Variants in SUDS3 observed in about 807,000 individuals in gnomAD.
SUDS3 encodes SIN3A corepressor complex component SDS3.
A neutral mutation model predicts 53.5 loss-of-function variants in SUDS3; 23 were observed. The observed-to-expected ratio is 0.43, with a 90% CI of 0.31 to 0.61. The LOEUF is 0.61. SUDS3 is among the 20% of genes least tolerant of loss of function. The probability of loss-of-function intolerance (pLI) is 0.10; values close to 1 mark genes in which losing one functional copy is unlikely to be tolerated. For missense variants in SUDS3, 291 were observed against 405.9 expected (o/e 0.72, Z 2.43); for synonymous variants, 150 against 148.5 (o/e 1.01, Z -0.08).
chr12:118,382,324 A>G (rs1303829178), intron 2 of SUDS3, among the ~76,000 whole-genome samples: 3 of 151,820 alleles, frequency 2.0e-5, no homozygotes, highest in Non-Finnish European at 4.4e-5. Flanking sequence ...TTGAGATTAC[A>G]GGCCTGAGCC....
intron 6 of SUDS3, among the ~76,000 whole-genome samples, chr12:118,392,442 ATC>A (rs1327943139): frequency 1.3e-5 from 2 of 151,962 alleles, no homozygotes; most frequent in Non-Finnish European, 2.9e-5. Context: ...CTTTTGAAAA[ATC>A]TCTCTTCTGT....
At chr12:118,399,076 A>C (rs959104423) in intron 6 of SUDS3, among the ~76,000 whole-genome samples, 1 of 152,202 alleles carries the variant, frequency 6.6e-6, no homozygotes, top group Non-Finnish European at 1.5e-5. Context: ...GAAGGCGTAA[A>C]GTCTGGTGCC....
At chr12:118,380,394 A>C (rs1249191934) in intron 2 of SUDS3, among the ~76,000 whole-genome samples, 163 bp downstream of exon 2, 2 of 152,218 alleles carry the variant, frequency 1.3e-5, no homozygotes, top group Non-Finnish European at 2.9e-5. Context: ...TTCAGATTTC[A>C]GATTTTTGGA....
intron 10 of SUDS3, among the ~76,000 whole-genome samples, chr12:118,407,935 A>T (rs1436757559): frequency 3.6e-5 from 5 of 138,616 alleles, no homozygotes; most frequent in African/African-American, 8.1e-5. Context: ...AGAGTCTCGC[A>T]CTGTCACCCA....
At position 118,414,358 on chromosome 12, in the gene SUDS3, C is replaced by T; in HGVS notation, c.912C>T (p.Asp304=). ...ANEIWVRKTS[D]STKMRIYLGQ... The stretch of plus-strand genomic sequence containing the variant: ...AGATCTGGGTGAGGAAGACAAGTGA[C>T]AGCACCAAGATGAGGATCTACCTGG... The change falls in exon 12 of 12, where the codon GAC becomes GAT. Residue 304 remains aspartate (D), a synonymous_variant. Coordinates refer to ENST00000543473, the MANE Select transcript of SUDS3 (RefSeq NM_022491.3). The T allele has an allele frequency of 6.2e-7, 1 of 1,606,442 alleles. No individual in the cohort carries two copies. The highest frequency in any genetic ancestry group is 8.5e-7 in the Non-Finnish European group (1 of 1,176,490).
chr12:118,410,332 A>G (rs1273043213), intron 10 of SUDS3, among the ~76,000 whole-genome samples: 1 of 152,148 alleles, frequency 6.6e-6, no homozygotes, highest in Non-Finnish European at 1.5e-5. Flanking sequence ...TGTCTGTCCA[A>G]CCTTCTTCAG....
chr12:118,393,312 C>T (rs2046184508), intron 6 of SUDS3, among the ~76,000 whole-genome samples: 1 of 152,174 alleles, frequency 6.6e-6, no homozygotes, highest in Non-Finnish European at 1.5e-5. Flanking sequence ...TTTGGTTCAA[C>T]ATGAACGTCT....
Position 118,392,865 on chromosome 12 carries a change from G to A in SUDS3, c.517+1583G>A, listed in dbSNP as rs561339667. ...TTTGGCGTCCTAATTATTGACAAGC[G>A]ATAGACATTGTTTGGCCAGGCAGTT... On this transcript the variant is annotated intron_variant, in intron 6 of 11. Transcript: ENST00000543473. Among the ~76,000 whole-genome samples the A allele has an allele frequency of 1.8e-4, 28 of 152,200 alleles. 1 individual carries two copies. Among genetic ancestry groups the A allele is most frequent in the Non-Finnish European group, 2.9e-4 (20 of 68,042 alleles).
In SUDS3 at chr12:118,376,751, C is replaced by T. The variant is rs775771358; in HGVS notation, c.60C>T (p.Pro20=). The change falls in exon 1 of 12, where the codon CCC becomes CCT. Residue 20 remains proline (P), a synonymous_variant. Transcript: ENST00000543473. ...CCCAGGCTGGAGCGCCGCCGGCCCCCGAGTACTACCCCGAGGAGGATGAAG... is the reference window on the plus strand; with the variant it reads ...CCCAGGCTGGAGCGCCGCCGGCCCCTGAGTACTACCCCGAGGAGGATGAAG... The part of the protein sequence containing the change: ...APAQAGAPPA[P]EYYPEEDEEL... The T allele has an allele frequency of 3.9e-6, 6 of 1,543,824 alleles. No individual in the cohort carries two copies. The highest frequency in any genetic ancestry group is 1.2e-5 in the South Asian group (1 of 83,596).
intron 2 of SUDS3, among the ~76,000 whole-genome samples, chr12:118,383,050 C>G (rs1690692412): frequency 6.6e-6 from 1 of 152,162 alleles, no homozygotes; most frequent in African/African-American, 2.4e-5. Context: ...TAAAGTGCAT[C>G]AGAATTTGCC....
intron 1 of SUDS3, 119 bp from the exon 2 acceptor site, chr12:118,380,043 A>G (rs1332851056): frequency 1.5e-5 from 12 of 799,092 alleles, no homozygotes; most frequent in South Asian, 6.5e-5. Context: ...GCTTTGTGCA[A>G]GCCTGCCTTG....
chr12:118,410,136 T>C (rs996678009), intron 10 of SUDS3, among the ~76,000 whole-genome samples: 1 of 152,258 alleles, frequency 6.6e-6, no homozygotes, highest in African/African-American at 2.4e-5. Flanking sequence ...ATCTCTGTGA[T>C]AGTGGAGAAC....
chr12:118,389,029 A>T (rs984775364), intron 4 of SUDS3, among the ~76,000 whole-genome samples: 1 of 152,084 alleles, frequency 6.6e-6, no homozygotes, highest in Non-Finnish European at 1.5e-5. Context: ...TGCGCCTTTA[A>T]TCCTAGCTAC....
At chr12:118,396,810 G>A (rs1182603709) in intron 6 of SUDS3, among the ~76,000 whole-genome samples, 1 of 152,152 alleles carries the variant, frequency 6.6e-6, no homozygotes, top group African/African-American at 2.4e-5. Context: ...TCTCCAGAGG[G>A]ACTGTGCTAT....
chr12:118,409,228 A>G (rs2046336256), intron 10 of SUDS3, among the ~76,000 whole-genome samples: 1 of 151,208 alleles, frequency 6.6e-6, no homozygotes, highest in African/African-American at 2.4e-5. Flanking sequence ...GCTTGCTGCA[A>G]GCTCCGCCTC....
chr12:118,391,295 T>C lies in SUDS3; in HGVS notation c.517+13T>C. On this transcript the variant is annotated intron_variant, in intron 6 of 11. Coordinates refer to ENST00000543473, the MANE Select transcript of SUDS3 (RefSeq NM_022491.3). ...GAACTGACTGGAGGTAGGAAAGCCCTATGGGGTGGGATCTTGGGGGCCCTG... is the reference window on the plus strand; with the variant it reads ...GAACTGACTGGAGGTAGGAAAGCCCCATGGGGTGGGATCTTGGGGGCCCTG... The C allele has an allele frequency of 1.2e-6, 2 of 1,600,664 alleles. No individual in the cohort carries two copies. Among genetic ancestry groups the C allele is most frequent in the Non-Finnish European group, 1.7e-6 (2 of 1,175,340 alleles).
At chr12:118,411,254 A>G (rs1279165615) in intron 11 of SUDS3, 97 bp downstream of exon 11, 1 of 1,045,508 alleles carries the variant, frequency 9.6e-7, no homozygotes, top group Admixed American at 2.0e-5. Flanking sequence ...AAGGAAGTAC[A>G]GTGGAGTACT....
chr12:118,389,991 T>C, intron 5 of SUDS3, 45 bp downstream of exon 5: 1 of 1,613,060 alleles, frequency 6.2e-7, no homozygotes, highest in Non-Finnish European at 8.5e-7. Context: ...TGTCTGAGAC[T>C]GGAATCTTGC....
chr12:118,406,492 C>T (rs1234607844), intron 10 of SUDS3, among the ~76,000 whole-genome samples: 2 of 152,224 alleles, frequency 1.3e-5, no homozygotes, highest in South Asian at 2.1e-4. Context: ...AATTGCTTTT[C>T]GAAAATAGTA....
Sources: gnomAD v4.1 joint callset for allele counts (sites outside exome capture counted in the v4.1 genomes callset) on GRCh38, gnomAD v4.1.1 for gene constraint, MANE v1.5 for transcripts, NCBI Gene and HGNC (gene_info 2026-07-23, HGNC 2026-07-21) for gene names.